Variants in AGBL4 observed in about 807,000 individuals in gnomAD.
The protein encoded by AGBL4 is AGBL carboxypeptidase 4.
In AGBL4, 58 loss-of-function variants were observed where a neutral mutation model predicts 66.4. The ratio of observed to expected loss-of-function variants is 0.87; its 90% confidence interval spans 0.71 to 1.09. AGBL4 has a LOEUF of 1.09. Among genes scored for constraint, AGBL4 ranks in the 50% least tolerant of loss-of-function variants. The pLI, the probability that AGBL4 is intolerant of heterozygous loss-of-function variation, is 0.00. For missense variants in AGBL4, 579 were observed against 631.0 expected (o/e 0.92, Z 0.88); for synonymous variants, 234 against 222.9 (o/e 1.05, Z -0.44).
At chr1:49,948,259 T>C (rs1255979728) in intron 1 of AGBL4, among the ~76,000 whole-genome samples, 1 of 106,194 alleles carries the variant, frequency 9.4e-6, no homozygotes, top group Non-Finnish European at 1.7e-5. Context: ...CATATAAATA[T>C]ATAAATAAAT....
At chr1:49,287,610 G>A (rs61783588) in intron 3 of AGBL4, among the ~76,000 whole-genome samples, 8 of 152,100 alleles carry the variant, frequency 5.3e-5, no homozygotes, top group Admixed American at 1.3e-4. Flanking sequence ...AACACATGAA[G>A]AAATGCTCAT....
chr1:48,546,601 CAAGT>C (rs1478534625), intron 11 of AGBL4, among the ~76,000 whole-genome samples: 1 of 152,150 alleles, frequency 6.6e-6, no homozygotes, highest in Non-Finnish European at 1.5e-5. Flanking sequence ...AGGCTAGAGA[CAAGT>C]GAGTGAAGGC....
chr1:48,724,614 AC>A (rs1380213935), intron 6 of AGBL4, among the ~76,000 whole-genome samples: 2 of 152,208 alleles, frequency 1.3e-5, no homozygotes. Flanking sequence ...ACATATTTTC[AC>A]CCTTGGAAAA....
chr1:48,524,167 A>G, the AGBL4 span, among the ~76,000 whole-genome samples: 2 of 152,086 alleles, frequency 1.3e-5, no homozygotes, highest in Admixed American at 1.3e-4. Flanking sequence ...TCTGAAATTG[A>G]ACAGAAACAA....
intron 4 of AGBL4, among the ~76,000 whole-genome samples, chr1:49,123,469 G>T (rs1449591884): frequency 6.6e-6 from 1 of 152,158 alleles, no homozygotes. Flanking sequence ...CACATTTTGA[G>T]ATATTCTAAA....
At chr1:49,876,012 T>A (rs901312780) in intron 1 of AGBL4, among the ~76,000 whole-genome samples, 16 of 147,026 alleles carry the variant, frequency 1.1e-4, no homozygotes, top group African/African-American at 3.8e-4. Context: ...TTGTTTGTTT[T>A]TTCCTTGTAA....
intron 3 of AGBL4, among the ~76,000 whole-genome samples, chr1:49,617,790 C>T (rs1230921664): frequency 7.2e-5 from 11 of 152,186 alleles, no homozygotes; most frequent in Admixed American, 7.2e-4. Context: ...TATCGGTATA[C>T]AATTTTTGCT....
chr1:49,635,926 A>G (rs1229152147), intron 3 of AGBL4, among the ~76,000 whole-genome samples: 1 of 152,194 alleles, frequency 6.6e-6, no homozygotes, highest in Non-Finnish European at 1.5e-5. Flanking sequence ...TGTTAATTGC[A>G]GCACTATTTA....
intron 4 of AGBL4, among the ~76,000 whole-genome samples, chr1:49,142,024 C>A (rs567189016): frequency 1.3e-4 from 20 of 152,166 alleles, no homozygotes; most frequent in Admixed American, 2.6e-4. Context: ...AGCATGACCC[C>A]CTGAGCTCCA....
chr1:48,604,383 C>T (rs1453244851), intron 9 of AGBL4, among the ~76,000 whole-genome samples: 1 of 152,178 alleles, frequency 6.6e-6, no homozygotes, highest in African/African-American at 2.4e-5. Context: ...GAGTGAGATG[C>T]TATCAGATGT....
At chr1:48,786,613 T>C (rs1645413361) in intron 6 of AGBL4, among the ~76,000 whole-genome samples, 2 of 152,254 alleles carry the variant, frequency 1.3e-5, no homozygotes, top group Non-Finnish European at 1.5e-5. Flanking sequence ...TTGTAAACAC[T>C]GAAGATTTGA....
chr1:49,709,675 A>G (rs1439883827), intron 2 of AGBL4, among the ~76,000 whole-genome samples: 1 of 152,190 alleles, frequency 6.6e-6, no homozygotes, highest in Non-Finnish European at 1.5e-5. Flanking sequence ...ATGGGAGAAA[A>G]TGTTTGCAAT....
At chr1:49,041,865 C>G (rs1643950813) in intron 5 of AGBL4, among the ~76,000 whole-genome samples, 1 of 152,048 alleles carries the variant, frequency 6.6e-6, no homozygotes, top group African/African-American at 2.4e-5. Flanking sequence ...GACTTCTAAC[C>G]AACTACCACC....
chr1:48,795,149 C>A (rs1442217552), intron 6 of AGBL4, among the ~76,000 whole-genome samples: 2 of 152,160 alleles, frequency 1.3e-5, no homozygotes, highest in African/African-American at 4.8e-5. Context: ...GTAAATCTTA[C>A]CCCTTCCCAA....
intron 6 of AGBL4, chr1:48,818,246 AG>A (rs749030826): frequency 1.4e-6 from 1 of 717,460 alleles, no homozygotes; most frequent in South Asian, 1.5e-5. Context: ...TTAATTACAA[AG>A]GCTGTAATTT....
intron 3 of AGBL4, among the ~76,000 whole-genome samples, chr1:49,415,851 A>G (rs746178391): frequency 1.3e-5 from 2 of 152,202 alleles, no homozygotes; most frequent in East Asian, 3.9e-4. Context: ...TCAGAAGTAG[A>G]ATCAACATTC....
intron 1 of AGBL4, among the ~76,000 whole-genome samples, chr1:49,878,375 G>A (rs1647094529): frequency 6.7e-6 from 1 of 149,502 alleles, no homozygotes; most frequent in Non-Finnish European, 1.5e-5. Context: ...GTTCTCGTTG[G>A]TTTCAAAGAA....
intron 4 of AGBL4, among the ~76,000 whole-genome samples, chr1:49,053,706 T>A (rs993910336): frequency 3.9e-5 from 6 of 152,158 alleles, no homozygotes; most frequent in African/African-American, 1.2e-4. Flanking sequence ...CTTAAAAAAA[T>A]TTTTTGTCTG....
intron 7 of AGBL4, among the ~76,000 whole-genome samples, chr1:48,653,782 G>C (rs1645972773): frequency 6.6e-6 from 1 of 152,136 alleles, no homozygotes; most frequent in Non-Finnish European, 1.5e-5. Context: ...TCATCACAAA[G>C]AGATGGGGAG....
Sources: allele counts gnomAD v4.1 joint callset (sites outside exome capture counted in the v4.1 genomes callset), GRCh38; gene constraint gnomAD v4.1.1; transcripts MANE v1.5; gene names NCBI Gene and HGNC (gene_info 2026-07-23, HGNC 2026-07-21).